The following ARHGAP28 variants were observed in gnomAD, a reference collection of about 807,000 sequenced individuals.
The protein encoded by ARHGAP28 is Rho GTPase activating protein 28.
A neutral mutation model predicts 90.7 loss-of-function variants in ARHGAP28; 56 were observed. The observed-to-expected ratio is 0.62, with a 90% CI of 0.50 to 0.77. The LOEUF is 0.77. Ranked by LOEUF, ARHGAP28 falls within the 30% of genes least tolerant of loss-of-function variation. The probability of loss-of-function intolerance (pLI) is 0.00; values close to 1 mark genes in which losing one functional copy is unlikely to be tolerated. For synonymous variants in ARHGAP28, 308 were observed against 323.3 expected (o/e 0.95, Z 0.51); for missense variants, 869 against 900.9 (o/e 0.96, Z 0.45).
chr18:6,796,937 G>C (rs2056445884), intron 1 of ARHGAP28, among the ~76,000 whole-genome samples: 1 of 152,198 alleles, frequency 6.6e-6, no homozygotes, highest in African/African-American at 2.4e-5. Flanking sequence ...ACCTTAGCCA[G>C]GTGTCTGGTA....
At chr18:6,856,526 T>C (rs1432943071) in intron 4 of ARHGAP28, among the ~76,000 whole-genome samples, 1 of 152,200 alleles carries the variant, frequency 6.6e-6, no homozygotes, top group Non-Finnish European at 1.5e-5. Context: ...TTTTGTGTTT[T>C]AGAGACAGGG....
intron 3 of ARHGAP28, among the ~76,000 whole-genome samples, chr18:6,841,171 TC>T (rs1567966457): frequency 8.7e-5 from 5 of 57,452 alleles, no homozygotes; most frequent in Admixed American, 1.9e-4. Context: ...CTCTCTCCTC[TC>T]TCTCTCTCCT....
At position 6,873,591 on chromosome 18, in the gene ARHGAP28, AT is replaced by A. The variant is rs1437895150; in HGVS notation, c.1120+19del. 6.8e-6 allele frequency: 11 copies of A among 1,611,780 alleles called. No homozygotes were observed. Among genetic ancestry groups the A allele is most frequent in the Non-Finnish European group, 9.3e-6 (11 of 1,179,260 alleles). ...AAGGACGAGGTAACTAAGAAGACTGATTGCTTCTGGCTTTAACACTTTGACA... is the reference window on the plus strand; with the variant it reads ...AAGGACGAGGTAACTAAGAAGACTGATGCTTCTGGCTTTAACACTTTGACA... On this transcript the variant is annotated intron_variant, in intron 8 of 17. Coordinates refer to ENST00000383472, the MANE Select transcript of ARHGAP28 (RefSeq NM_001366230.1).
chr18:6,887,431 T>C (rs988446636), intron 12 of ARHGAP28, among the ~76,000 whole-genome samples, 192 bp downstream of exon 12: 1 of 5,066 alleles, frequency 2.0e-4, no homozygotes, highest in African/African-American at 6.6e-4. Flanking sequence ...TGGTATCTTG[T>C]TTTTTTTTTT....
chr18:6,841,157 T>TCACTGTCTCTCTCCTCTTTCTC (rs2056808776), intron 3 of ARHGAP28, among the ~76,000 whole-genome samples: 2 of 70,282 alleles, frequency 2.8e-5, no homozygotes, highest in Admixed American at 1.5e-4. Flanking sequence ...TCTCTCCTCT[T>TCACTGTCTCTCTCCTCTTTCTC]TCTCTCTCTC....
intron 1 of ARHGAP28, among the ~76,000 whole-genome samples, chr18:6,755,976 G>T (rs755439856): frequency 6.6e-6 from 1 of 152,088 alleles, no homozygotes; most frequent in South Asian, 2.1e-4. Context: ...AATCAACTCC[G>T]TTAGCTTTGA....
At chr18:6,856,010 C>T (rs981448275) in intron 4 of ARHGAP28, among the ~76,000 whole-genome samples, 2 of 152,188 alleles carry the variant, frequency 1.3e-5, no homozygotes, top group Non-Finnish European at 2.9e-5. Flanking sequence ...TAGCACAAGC[C>T]GAGTGCAGCC....
At chr18:6,802,082 C>A (rs780991688) in intron 1 of ARHGAP28, among the ~76,000 whole-genome samples, 9 of 152,086 alleles carry the variant, frequency 5.9e-5, no homozygotes, top group Non-Finnish European at 1.2e-4. Context: ...CTGCAAATGA[C>A]CAGCTTTCTT....
rs1224976080 is a variant in ARHGAP28, at chr18:6,729,810, G to T, written c.-12G>T. The stretch of plus-strand genomic sequence containing the variant: ...TGTTCTGGGGCCGGCGCCGAGACAT[G>T]CGCGGCTGACGATGGAGGTGGAGGA... On this transcript the variant is annotated 5_prime_UTR_variant, in exon 1 of 18. The change abolishes an upstream ATG in the 5' untranslated region. Coordinates refer to ENST00000383472, the MANE Select transcript of ARHGAP28 (RefSeq NM_001366230.1). 3.6e-6 allele frequency: 5 copies of T among 1,401,114 alleles called. No homozygotes were observed. Among genetic ancestry groups the T allele is most frequent in the Middle Eastern group, 2.3e-4 (1 of 4,294 alleles). 86.8% of individuals were successfully genotyped at this position (1,401,114 alleles called of 1,614,324 possible).
At position 6,912,911 on chromosome 18, in the gene ARHGAP28, A is replaced by G. The variant is rs535390355; in HGVS notation, c.*757A>G. 157 of 152,372 alleles carry G rather than the reference A, an allele frequency of 1.0e-3. No individual in the cohort carries two copies. Among genetic ancestry groups the G allele is most frequent in the African/African-American group, 3.6e-3 (150 of 41,594 alleles). The allele number at this position is 152,372 out of a possible 1,614,324, so 9.4% of individuals were successfully genotyped here. ...CATATGCTTTCCTAACCTGATTTGT[A>G]GTTAACATTCACAGAGCCTACATTT... On this transcript the variant is annotated 3_prime_UTR_variant, in exon 18 of 18. Coordinates refer to ENST00000383472, the MANE Select transcript of ARHGAP28 (RefSeq NM_001366230.1).
At chr18:6,759,577 C>A (rs2143319879) in intron 1 of ARHGAP28, among the ~76,000 whole-genome samples, 1 of 152,258 alleles carries the variant, frequency 6.6e-6, no homozygotes, top group East Asian at 1.9e-4. Context: ...TTAAAATACG[C>A]TGGATATGCT....
chr18:6,780,574 C>CGCCTGT (rs2056316365), intron 1 of ARHGAP28, among the ~76,000 whole-genome samples: 1 of 151,902 alleles, frequency 6.6e-6, no homozygotes, highest in African/African-American at 2.4e-5. Flanking sequence ...AACATTTAAG[C>CGCCTGT]AATGGAGGCT....
intron 3 of ARHGAP28, among the ~76,000 whole-genome samples, chr18:6,841,285 T>C (rs956671318): frequency 7.0e-6 from 1 of 143,364 alleles, no homozygotes; most frequent in East Asian, 2.3e-4. Flanking sequence ...CCCTCCCTAT[T>C]CCTTCTTATT....
rs187579157 is a variant in ARHGAP28, at chr18:6,787,347, T to C, written c.123-37415T>C. ...GAAGAAAGTTCTTTAAGCTACATTG[T>C]TATTATTTACTTTTCCTTTATACTA... On this transcript the variant is annotated intron_variant, in intron 1 of 17. Transcript: ENST00000383472. Among the ~76,000 whole-genome samples the C allele has an allele frequency of 2.0e-5, 3 of 152,090 alleles. No individual in the cohort carries two copies. In the East Asian group the frequency reaches 5.8e-4, roughly 29 times the overall value.
intron 12 of ARHGAP28, among the ~76,000 whole-genome samples, chr18:6,888,963 C>T (rs886710803): frequency 1.3e-5 from 2 of 152,182 alleles, no homozygotes; most frequent in Non-Finnish European, 2.9e-5. Flanking sequence ...AGCTGCTCAG[C>T]CGCACTCCAC....
chr18:6,818,200 A>T (rs2056604418), intron 1 of ARHGAP28, among the ~76,000 whole-genome samples: 1 of 152,206 alleles, frequency 6.6e-6, no homozygotes, highest in Non-Finnish European at 1.5e-5. Context: ...AAGATTGTAG[A>T]GCTGTAGCCC....
At chr18:6,879,012 G>A (rs891588421) in intron 10 of ARHGAP28, among the ~76,000 whole-genome samples, 6 of 152,086 alleles carry the variant, frequency 3.9e-5, no homozygotes, top group Admixed American at 3.9e-4. Flanking sequence ...TACTGTGAAC[G>A]GTCTGGCCTG....
At chr18:6,772,161 T>C (rs2056248059) in intron 1 of ARHGAP28, among the ~76,000 whole-genome samples, 1 of 152,328 alleles carries the variant, frequency 6.6e-6, no homozygotes, top group Admixed American at 6.5e-5. Context: ...TTAGGTATAC[T>C]CTAAACTAAG....
At chr18:6,732,211 C>G (rs72882534) in intron 1 of ARHGAP28, among the ~76,000 whole-genome samples, 5,592 of 151,974 alleles carry the variant, frequency 0.037, 151 homozygotes, top group Non-Finnish European at 0.056. Context: ...ATTGTAGTAG[C>G]CCAATAAATA....
Sources: allele counts gnomAD v4.1 joint callset (sites outside exome capture counted in the v4.1 genomes callset), GRCh38; gene constraint gnomAD v4.1.1; transcripts MANE v1.5; gene names NCBI Gene and HGNC (gene_info 2026-07-23, HGNC 2026-07-21).